PGAP6: variants seen among roughly 807,000 people sequenced by gnomAD.
PGAP6 encodes post-GPI attachment to proteins 6, also known as post-GPI attachment to proteins factor 6.
PGAP6 carries 62 observed loss-of-function variants against 68.4 expected under a neutral mutation model. The ratio of observed to expected loss-of-function variants is 0.91; its 90% CI spans 0.74 to 1.12. PGAP6 has a LOEUF of 1.12. Ranked by LOEUF, PGAP6 falls within the 50% of genes most tolerant of loss-of-function variation. PGAP6 has a pLI of 0.00. For missense variants in PGAP6, 1,188 were observed against 1,068.5 expected, an observed-to-expected ratio of 1.11 and a Z score of -1.56; for synonymous variants, 575 against 474.0, an observed-to-expected ratio of 1.21 and a Z score of -2.77.
Position 374,782 on chromosome 16 carries a change from A to G in PGAP6, c.1550T>C (p.Leu517Pro), listed in dbSNP as rs774022933. 1 of 1,612,734 alleles carries G rather than the reference A, an allele frequency of 6.2e-7. No individual in the cohort carries two copies. The highest frequency in any genetic ancestry group is 8.5e-7 in the Non-Finnish European group (1 of 1,179,916). The change falls in exon 9 of 13, where the codon CTG (leucine) becomes CCG (proline). Residue 517 changes from leucine (L) to proline (P), a missense_variant. Physicochemically the swap from Leu to Pro is moderately conservative, Grantham distance 98. Transcript: ENST00000431232. The part of the protein sequence containing the change: ...QCLLLRRHSY[L>P]YASCSCKAGW... Reference sequence around the variant, plus strand: ...TGCCTTGCAGCTGCAGCTGGCATACAGGTAGCTGTGTCTGCGGAGCAGGAG... The same window carrying G: ...TGCCTTGCAGCTGCAGCTGGCATACGGGTAGCTGTGTCTGCGGAGCAGGAG...
In PGAP6 at chr16:381,822, G is replaced by A; in HGVS notation, c.-1C>T. The A allele has an allele frequency of 1.8e-6, 2 of 1,084,482 alleles. No individual in the cohort carries two copies. The highest frequency in any genetic ancestry group is 2.2e-6 in the Non-Finnish European group (2 of 894,632). 67.2% of individuals were successfully genotyped at this position (1,084,482 alleles called of 1,614,324 possible). ...CGGTCCCGGTGCCAGCCCGGCCCAT[G>A]GCTCCGCGCTCGGCCCGGCGCTACC... On this transcript the variant is annotated 5_prime_UTR_variant, in exon 1 of 13. Transcript: ENST00000431232.
At chr16:377,333 G>A (rs893945118) in intron 3 of PGAP6, 45 bp downstream of exon 3, 10 of 1,549,358 alleles carry the variant, frequency 6.5e-6, no homozygotes, top group African/African-American at 4.1e-5. Flanking sequence ...ACAGGCCATC[G>A]CCGCAAGGTT....
At chr16:377,634 C>T (rs776851562) in intron 2 of PGAP6, 37 bp downstream of exon 2, 22 of 1,569,454 alleles carry the variant, frequency 1.4e-5, no homozygotes, top group South Asian at 7.0e-5. Context: ...CTTGGCCAGG[C>T]GCGGGAGGGT....
At chr16:378,263 C>T (rs2054406641) in intron 1 of PGAP6, among the ~76,000 whole-genome samples, 1 of 145,296 alleles carries the variant, frequency 6.9e-6, no homozygotes. Flanking sequence ...CCCACCCGCA[C>T]TGCCATCCCC....
chr16:381,624 CG>C, intron 1 of PGAP6, 76 bp downstream of exon 1: 1 of 1,097,580 alleles, frequency 9.1e-7, no homozygotes, highest in East Asian at 4.2e-5. Flanking sequence ...CGCACAGGTG[CG>C]CCCGGGGTGT....
rs777626379 is a variant in PGAP6 at position 374,285 on chromosome 16, A to G, written c.1691T>C (p.Val564Ala). The change falls in exon 10 of 13, where the codon GTC becomes GCC. Residue 564 changes from valine (V) to alanine (A), a missense_variant. Physicochemically the swap from Val to Ala is moderately conservative, Grantham distance 64 (BLOSUM62 0). Coordinates refer to ENST00000431232, the MANE Select transcript of PGAP6 (RefSeq NM_021259.3). Reference protein sequence around the residue: ...SNLMFLAPIAVSVRRFFLVEA... With the variant: ...SNLMFLAPIAASVRRFFLVEA... ...CACCAGGAAGAATCGCCGCACTGAG[A>G]CGGCGATGGGGGCCAGGAACATGAG... The G allele has an allele frequency of 4.4e-6, 7 of 1,606,850 alleles. No homozygotes were observed. In the African/African-American group the frequency reaches 6.7e-5, roughly 15 times the overall value.
chr16:373,873 G>C (rs909571080), intron 11 of PGAP6, 132 bp downstream of exon 11: 45 of 1,166,798 alleles, frequency 3.9e-5, no homozygotes, highest in Admixed American at 1.7e-4. Context: ...CACCATGCTC[G>C]GCCGAGATGT....
At chr16:386,675 T>A (rs1463011880), upstream of PGAP6, 2 of 363,450 alleles carry the variant, frequency 5.5e-6, no homozygotes, top group African/African-American at 2.6e-5. Flanking sequence ...AGGGTCATTT[T>A]CCCAGCCTGG....
intron 6 of PGAP6, 66 bp downstream of exon 6, chr16:376,070 C>T (rs1365634273): frequency 1.0e-5 from 15 of 1,464,712 alleles, no homozygotes; most frequent in African/African-American, 2.8e-5. Flanking sequence ...AATGAGGAGG[C>T]GCTGCAGGGG....
At chr16:373,642 C>T (rs925501380) in intron 11 of PGAP6, among the ~76,000 whole-genome samples, 19 of 152,350 alleles carry the variant, frequency 1.2e-4, no homozygotes, top group Admixed American at 8.5e-4. Flanking sequence ...TGGGATCAAG[C>T]GATCCTCCCA....
At position 376,333 on chromosome 16, in the gene PGAP6, T is replaced by A; in HGVS notation, c.1027A>T (p.Arg343Trp). The A allele has an allele frequency of 6.2e-7, 1 of 1,612,590 alleles. No homozygotes were observed. The highest frequency in any genetic ancestry group is 1.1e-5 in the South Asian group (1 of 91,060). Reference protein sequence around the residue: ...PDHQDLGRSGRVDRSPFCLTN... With the variant: ...PDHQDLGRSGWVDRSPFCLTN... ...AGGCAGAAGGGGCTGCGGTCCACCC[T>A]GCCACTCCTGCCCAGGTCCTGGTGG... Residue 343 changes from arginine to tryptophan, a missense_variant, in exon 6 of 13, where the codon AGG (arginine) becomes TGG (tryptophan). Physicochemically the swap from Arg to Trp is moderately radical, Grantham distance 101 (BLOSUM62 -3). Transcript: ENST00000431232.
chr16:377,722 A>G lies in PGAP6; in HGVS notation c.248T>C (p.Leu83Pro). Reference sequence around the variant, plus strand: ...AGCGCCGCTCTCCCGGGAGACCTGCAGGAGCCAGCGTAGAAGCACAGCATC... The same window carrying G: ...AGCGCCGCTCTCCCGGGAGACCTGCGGGAGCCAGCGTAGAAGCACAGCATC... ...PPDAVLLRWL[L>P]QVSRESGAAC... Residue 83 changes from leucine to proline, a missense_variant, in exon 2 of 13, where the codon CTG becomes CCG. By Grantham distance (98) the Leu-to-Pro change is moderately conservative. Coordinates refer to ENST00000431232, the MANE Select transcript of PGAP6 (RefSeq NM_021259.3). The G allele has an allele frequency of 6.3e-7, 1 of 1,596,654 alleles. No homozygotes were observed. Among genetic ancestry groups the G allele is most frequent in the South Asian group, 1.1e-5 (1 of 88,526 alleles).
chr16:371,829 A>T lies in PGAP6; in HGVS notation c.*158T>A. Reference sequence around the variant, plus strand: ...TGGCGAGGAGAGGTGCGTGTGAGGGAGGGGTGGCCCTCTCCTCAGTAGGAG... The same window carrying T: ...TGGCGAGGAGAGGTGCGTGTGAGGGTGGGGTGGCCCTCTCCTCAGTAGGAG... On this transcript the variant is annotated 3_prime_UTR_variant, in exon 13 of 13. Coordinates refer to ENST00000431232, the MANE Select transcript of PGAP6 (RefSeq NM_021259.3). The T allele has an allele frequency of 1.4e-6, 1 of 692,362 alleles. No individual in the cohort carries two copies. The highest frequency in any genetic ancestry group is 2.4e-6 in the Non-Finnish European group (1 of 421,006). The allele number at this position is 692,362 out of a possible 1,614,324, so 42.9% of individuals were successfully genotyped here.
At chr16:385,618 A>ATTTTTTT (rs71139779), upstream of PGAP6, among the ~76,000 whole-genome samples, 3 of 77,014 alleles carry the variant, frequency 3.9e-5, no homozygotes, top group African/African-American at 6.3e-5. Flanking sequence ...GCCTACTCTG[A>ATTTTTTT]TTTTTTTTTT....
rs887876376 is a variant in PGAP6 at position 381,683 on chromosome 16, C to T, written c.121+18G>A. 1.3e-5 allele frequency: 16 copies of T among 1,202,690 alleles called. No homozygotes were observed. The African/African-American group carries it at 1.9e-4, about 14-fold the overall frequency. 74.5% of individuals were successfully genotyped at this position (1,202,690 alleles called of 1,614,324 possible). A position where few individuals can be genotyped will look rare whatever the true frequency, so the allele number is the denominator to read the frequency against. On this transcript the variant is annotated intron_variant, in intron 1 of 12. Transcript: ENST00000431232. ...CCCCGGCCCCACGCCCCCGATGGCGCCCGCGCCTCCCGCTCACCGCTCTTC... is the reference window on the plus strand; with the variant it reads ...CCCCGGCCCCACGCCCCCGATGGCGTCCGCGCCTCCCGCTCACCGCTCTTC...
rs762416906 is a variant in PGAP6 at position 372,222 on chromosome 16, T to C, written c.2081A>G (p.Tyr694Cys). The change falls in exon 13 of 13, where the codon TAC (tyrosine) becomes TGC (cysteine). Residue 694 changes from tyrosine (Y) to cysteine (C), a missense_variant. By Grantham distance (194) the Tyr-to-Cys change is radical. Coordinates refer to ENST00000431232, the MANE Select transcript of PGAP6 (RefSeq NM_021259.3). ...GGCCATAGAGACGCCGGGCAGGAGG[T>C]AGAAGGCCCAGCGCTGCCACGAGGT... ...YPTSWQRWAF[Y>C]LLPGVSMASV... The C allele has an allele frequency of 6.2e-7, 1 of 1,612,090 alleles. No homozygotes were observed. Among genetic ancestry groups the C allele is most frequent in the South Asian group, 1.1e-5 (1 of 91,034 alleles).
At chr16:372,821 C>T in intron 11 of PGAP6, 94 bp from the exon 12 acceptor site, 4 of 884,234 alleles carry the variant, frequency 4.5e-6, no homozygotes, top group Middle Eastern at 2.9e-4. Flanking sequence ...GCACCTCTGC[C>T]TGCCCCCTCG....
chr16:373,926 C>T, intron 11 of PGAP6, 79 bp downstream of exon 11: 2 of 1,473,210 alleles, frequency 1.4e-6, no homozygotes, highest in Non-Finnish European at 1.8e-6. Context: ...CCGGCCTCTC[C>T]CACGGTACTG....
In PGAP6 at chr16:374,053, G is replaced by A; in HGVS notation, c.1854C>T (p.Ile618=). The change falls in exon 11 of 13, where the codon ATC becomes ATT. Residue 618 remains isoleucine (I), a synonymous_variant. Transcript: ENST00000431232. ...YCDFLGSGAA[I]WVTILCMARL... ...GTGCCATGCACAGGATGGTGACCCA[G>A]ATGGCCGCCCCGGAGCCCAAGAAGT... The A allele has an allele frequency of 6.2e-7, 1 of 1,611,924 alleles. No homozygotes were observed. Among genetic ancestry groups the A allele is most frequent in the Non-Finnish European group, 8.5e-7 (1 of 1,179,944 alleles).
Sources: gnomAD v4.1 joint callset for allele counts (sites outside exome capture counted in the v4.1 genomes callset) on GRCh38, gnomAD v4.1.1 for gene constraint, MANE v1.5 for transcripts, NCBI Gene and HGNC (gene_info 2026-07-23, HGNC 2026-07-21) for gene names.